Variants in TRIP12 observed in about 807,000 individuals in gnomAD.
TRIP12 encodes thyroid hormone receptor interactor 12, also known as E3 ubiquitin-protein ligase TRIP12.
In TRIP12, 25 loss-of-function variants were observed where a neutral mutation model predicts 244.2. That is an observed-to-expected ratio of 0.10 (90% CI 0.07 to 0.14). The LOEUF (loss-of-function observed/expected upper bound fraction) is 0.14, where lower values mean the gene tolerates loss of function less well. TRIP12 is among the 10% of genes least tolerant of loss of function. The pLI is 1.00. For synonymous variants in TRIP12, 905 were observed against 873.1 expected, an observed-to-expected ratio of 1.04 and a Z score of -0.64; for missense variants, 1,677 against 2,486.4, an observed-to-expected ratio of 0.67 and a Z score of 6.92.
In TRIP12 at chr2:229,859,515, T is replaced by C. The variant is rs750522919; in HGVS notation, c.284A>G (p.Asn95Ser). Residue 95 changes from asparagine (N) to serine (S), a missense_variant, in exon 4 of 42, where the codon AAT becomes AGT. Physicochemically the swap from Asn to Ser is conservative, Grantham distance 46 (BLOSUM62 1). Around this residue, in one of 11 missense-constraint regions of TRIP12, gnomAD observed 387 missense variants for 392.6 expected, o/e 0.99. Transcript: ENST00000675903. ...CCCCGTTTTTTGTCTTTCTGAAGTA[T>C]TGGCTCTGTCTGGATCCTCTGGTTG... ...VPQPEDPDRA[N>S]TSERQKTGQV... The C allele has an allele frequency of 3.1e-6, 5 of 1,614,108 alleles. No homozygotes were observed. Among genetic ancestry groups the C allele is most frequent in the South Asian group, 1.1e-5 (1 of 91,084 alleles).
chr2:229,802,543 A>C, intron 20 of TRIP12, 84 bp from the exon 21 acceptor site: 1 of 1,001,120 alleles, frequency 1.0e-6, no homozygotes, highest in Non-Finnish European at 1.5e-6. Context: ...CCTAAATACC[A>C]ACACTGACAT....
At chr2:229,836,422 C>T (rs2054831883) in intron 6 of TRIP12, among the ~76,000 whole-genome samples, 1 of 152,046 alleles carries the variant, frequency 6.6e-6, no homozygotes, top group Non-Finnish European at 1.5e-5. Flanking sequence ...AAATGAGAAG[C>T]CCATAACAAT....
In TRIP12 at chr2:229,806,034, G is replaced by A; in HGVS notation, c.2497-151C>T. ...TAACAGAAGATGGAATAATAGTGTA[G>A]ATATGACAAAACTCATTCATTCAAC... is the stretch of plus-strand genomic sequence containing the variant. On this transcript the variant is annotated intron_variant, in intron 17 of 41. Transcript: ENST00000675903. The A allele has an allele frequency of 1.2e-5, 7 of 571,742 alleles. No individual in the cohort carries two copies. In the East Asian group the frequency reaches 2.0e-4, roughly 16 times the overall value. 35.4% of individuals were successfully genotyped at this position (571,742 alleles called of 1,614,324 possible). A position where few individuals can be genotyped will look rare whatever the true frequency, so the allele number is the denominator to read the frequency against.
intron 5 of TRIP12, among the ~76,000 whole-genome samples, chr2:229,838,386 A>G (rs1274086000): frequency 2.6e-5 from 4 of 152,208 alleles, no homozygotes; most frequent in Non-Finnish European, 2.9e-5. Context: ...GGACACCCTT[A>G]GTAGGTGACC....
At chr2:229,815,029 TA>T in intron 11 of TRIP12, 69 bp downstream of exon 11, 1 of 1,201,938 alleles carries the variant, frequency 8.3e-7, no homozygotes, top group South Asian at 1.4e-5. Flanking sequence ...AAATGAAAGC[TA>T]AAATTCAAGA....
intron 4 of TRIP12, among the ~76,000 whole-genome samples, chr2:229,856,801 G>A (rs2059680839): frequency 6.6e-6 from 1 of 152,122 alleles, no homozygotes; most frequent in East Asian, 1.9e-4. Context: ...TTTTAACTTG[G>A]ACCTTTTTTT....
At chr2:229,818,607 C>T in intron 8 of TRIP12, 95 bp from the exon 9 acceptor site, 5 of 1,155,040 alleles carry the variant, frequency 4.3e-6, no homozygotes, top group Non-Finnish European at 6.1e-6. Context: ...TGCTTATCTT[C>T]TTTGCATCCT....
intron 2 of TRIP12, among the ~76,000 whole-genome samples, chr2:229,865,148 C>CA (rs965076267): frequency 1.1e-4 from 16 of 151,762 alleles, no homozygotes; most frequent in African/African-American, 3.6e-4. Flanking sequence ...ACTGTCTCCA[C>CA]AAAAAATACA....
chr2:229,858,608 A>G (rs1576176054), intron 4 of TRIP12, among the ~76,000 whole-genome samples, 164 bp downstream of exon 4: 2 of 152,352 alleles, frequency 1.3e-5, no homozygotes, highest in African/African-American at 2.4e-5. Context: ...TAAATGTAGT[A>G]GCACTTACTA....
In TRIP12 at chr2:229,814,329, G is replaced by A. The variant is rs1283373292; in HGVS notation, c.1732-4C>T. 27 of 1,613,068 alleles carry A rather than the reference G, an allele frequency of 1.7e-5. No individual in the cohort carries two copies. The highest frequency in any genetic ancestry group is 2.2e-5 in the Non-Finnish European group (26 of 1,179,442). Reference sequence around the variant, plus strand: ...CAATACACTGAATAACTTGCAGCTGGGAACATATATATAGTTACCATAAGG... The same window carrying A: ...CAATACACTGAATAACTTGCAGCTGAGAACATATATATAGTTACCATAAGG... On this transcript the variant is annotated splice_polypyrimidine_tract_variant and splice_region_variant and intron_variant, in intron 11 of 41. Transcript: ENST00000675903.
intron 21 of TRIP12, 46 bp from the exon 22 acceptor site, chr2:229,799,429 T>G (rs2043648915): frequency 6.5e-7 from 1 of 1,531,944 alleles, no homozygotes; most frequent in Non-Finnish European, 9.0e-7. Flanking sequence ...TACCACTGTT[T>G]TATATCTTCA....
intron 21 of TRIP12, 83 bp downstream of exon 21, chr2:229,802,169 C>T (rs1218371751): frequency 1.9e-6 from 2 of 1,039,686 alleles, no homozygotes; most frequent in East Asian, 2.8e-5. Flanking sequence ...AATATGTTAC[C>T]ATTTTACTCC....
At chr2:229,876,226 G>A (rs750554289) in intron 2 of TRIP12, among the ~76,000 whole-genome samples, 6 of 152,004 alleles carry the variant, frequency 3.9e-5, no homozygotes, top group Non-Finnish European at 8.8e-5. Context: ...CAGTGAGCCC[G>A]GATGATGCCA....
chr2:229,916,666 A>G (rs1293433655), intron 1 of TRIP12, among the ~76,000 whole-genome samples: 2 of 152,332 alleles, frequency 1.3e-5, no homozygotes, highest in Non-Finnish European at 2.9e-5. Context: ...CTTCTATCCA[A>G]TTCAGTTTAA....
chr2:229,792,272 A>T (rs1467010785), intron 27 of TRIP12, 46 bp from the exon 28 acceptor site: 43 of 315,650 alleles, frequency 1.4e-4, no homozygotes, highest in Non-Finnish European at 2.0e-4. Flanking sequence ...TTTTAGGTGT[A>T]AAAAAAAAAA....
chr2:229,825,021 A>C (rs2051152326), intron 8 of TRIP12, among the ~76,000 whole-genome samples: 1 of 152,244 alleles, frequency 6.6e-6, no homozygotes, highest in South Asian at 2.1e-4. Context: ...ATAAACAAAG[A>C]GATGGATTTC....
intron 1 of TRIP12, among the ~76,000 whole-genome samples, chr2:229,893,436 C>G (rs548721392): frequency 6.6e-6 from 1 of 152,114 alleles, no homozygotes; most frequent in African/African-American, 2.4e-5. Flanking sequence ...ACTTTCCTCA[C>G]GCTCCTCCCC....
chr2:229,824,660 G>A (rs1210265529), intron 8 of TRIP12, among the ~76,000 whole-genome samples: 2 of 152,170 alleles, frequency 1.3e-5, no homozygotes, highest in African/African-American at 4.8e-5. Flanking sequence ...GAGTGAACAC[G>A]AAGAGTGAAC....
chr2:229,853,695 C>CAT (rs918208555), intron 4 of TRIP12, among the ~76,000 whole-genome samples: 21 of 152,080 alleles, frequency 1.4e-4, no homozygotes, highest in African/African-American at 4.6e-4. Flanking sequence ...TACATACATA[C>CAT]ATACATACAT....
Sources: gnomAD v4.1 joint callset for allele counts (sites outside exome capture counted in the v4.1 genomes callset) on GRCh38, gnomAD v4.1.1 for gene constraint, gnomAD v4.1.1 regional missense constraint, MANE v1.5 for transcripts, NCBI Gene and HGNC (gene_info 2026-07-23, HGNC 2026-07-21) for gene names.